Variants in STRN3 observed in about 807,000 individuals in gnomAD.
STRN3 encodes the protein striatin-3.
In STRN3, 29 loss-of-function variants were observed where a neutral mutation model predicts 95.6. The ratio of observed to expected loss-of-function variants is 0.30; its 90% CI spans 0.23 to 0.41. The LOEUF (loss-of-function observed/expected upper bound fraction) is 0.41, where lower values mean the gene tolerates loss of function less well. Ranked by LOEUF, STRN3 falls within the 10% of genes least tolerant of loss-of-function variation. The pLI, the probability that STRN3 is intolerant of heterozygous loss-of-function variation, is 1.00. For synonymous variants in STRN3, 331 were observed against 357.6 expected, an observed-to-expected ratio of 0.93 and a Z score of 0.84; for missense variants, 890 against 972.1, an observed-to-expected ratio of 0.92 and a Z score of 1.12.
chr14:30,962,242 A>G (rs1880245036), intron 1 of STRN3, among the ~76,000 whole-genome samples: 1 of 152,232 alleles, frequency 6.6e-6, no homozygotes, highest in African/African-American at 2.4e-5. Context: ...TAAAAAGAAA[A>G]TATTTTTATA....
At chr14:30,985,976 A>G (rs1881670577) in intron 1 of STRN3, among the ~76,000 whole-genome samples, 1 of 152,162 alleles carries the variant, frequency 6.6e-6, no homozygotes, top group Non-Finnish European at 1.5e-5. Flanking sequence ...ACTTGTGTGC[A>G]TGCGCTTTCT....
At chr14:30,912,543 C>T (rs146667285) in intron 10 of STRN3, among the ~76,000 whole-genome samples, 251 of 152,212 alleles carry the variant, frequency 1.6e-3, no homozygotes, top group African/African-American at 5.3e-3. Flanking sequence ...AAATATCCAA[C>T]GGTACAGTAT....
At chr14:30,945,865 C>T (rs1273008031) in intron 5 of STRN3, among the ~76,000 whole-genome samples, 1 of 152,032 alleles carries the variant, frequency 6.6e-6, no homozygotes, top group Non-Finnish European at 1.5e-5. Context: ...GGAGAGCGGC[C>T]ACCTAATGGG....
chr14:30,935,426 T>G, intron 6 of STRN3, 122 bp from the exon 7 acceptor site: 1 of 1,077,900 alleles, frequency 9.3e-7, no homozygotes, highest in South Asian at 1.7e-5. Flanking sequence ...AAATTTTAGA[T>G]CTCCTATGTA....
chr14:30,973,384 C>G (rs1566467844), intron 1 of STRN3, among the ~76,000 whole-genome samples: 1 of 150,710 alleles, frequency 6.6e-6, no homozygotes. Context: ...GACAAAGAGA[C>G]AGAGAGAGAG....
intron 1 of STRN3, among the ~76,000 whole-genome samples, chr14:31,000,723 T>G (rs1051477306): frequency 6.6e-6 from 1 of 152,120 alleles, no homozygotes; most frequent in African/African-American, 2.4e-5. Flanking sequence ...ATATAGCACT[T>G]AACACCACCC....
intron 1 of STRN3, among the ~76,000 whole-genome samples, chr14:30,965,782 A>C (rs920110467): frequency 2.6e-5 from 4 of 151,888 alleles, no homozygotes; most frequent in Non-Finnish European, 5.9e-5. Flanking sequence ...AAAAAAAAAA[A>C]AAAAAAACAA....
At chr14:31,011,136 A>G (rs1272955611) in intron 1 of STRN3, among the ~76,000 whole-genome samples, 2 of 152,120 alleles carry the variant, frequency 1.3e-5, no homozygotes, top group Non-Finnish European at 2.9e-5. Flanking sequence ...AAAACCCAGA[A>G]AGTTTGTTTT....
intron 5 of STRN3, among the ~76,000 whole-genome samples, chr14:30,940,128 C>T (rs1879024138): frequency 6.6e-6 from 1 of 152,070 alleles, no homozygotes; most frequent in African/African-American, 2.4e-5. Flanking sequence ...TCCTCAAACA[C>T]ATAAAGCAAT....
chr14:30,953,500 A>T (rs758697075), intron 3 of STRN3, among the ~76,000 whole-genome samples: 20 of 152,218 alleles, frequency 1.3e-4, no homozygotes, highest in Non-Finnish European at 2.6e-4. Context: ...CATTTATTCT[A>T]ATTCTGAAGA....
At chr14:30,923,545 G>C (rs1182876877) in intron 8 of STRN3, among the ~76,000 whole-genome samples, 1 of 151,902 alleles carries the variant, frequency 6.6e-6, no homozygotes, top group Non-Finnish European at 1.5e-5. Flanking sequence ...AGAATAATTA[G>C]GAAAATTAAG....
intron 1 of STRN3, among the ~76,000 whole-genome samples, chr14:31,008,424 A>G (rs538713008): frequency 3.3e-5 from 5 of 151,820 alleles, no homozygotes; most frequent in Admixed American, 2.6e-4. Context: ...GGGAGGATCG[A>G]GTGAGCCCAG....
In STRN3 at chr14:30,942,695, C is replaced by T. The variant is rs112052607; in HGVS notation, c.716+4395G>A. ...AAAGTAGATGCTTTGTGATATGATG[C>T]ACTATACAACCACAACCATACCCTA... On this transcript the variant is annotated intron_variant, in intron 5 of 17. Coordinates refer to ENST00000357479, the MANE Select transcript of STRN3 (RefSeq NM_001083893.2). Among the ~76,000 whole-genome samples the T allele has an allele frequency of 2.4e-3, 358 of 152,220 alleles. 2 individuals are homozygous for T. Among genetic ancestry groups the T allele is most frequent in the Middle Eastern group, 0.01 (3 of 294 alleles).
chr14:30,993,320 G>C (rs1175593299), intron 1 of STRN3, among the ~76,000 whole-genome samples: 1 of 151,176 alleles, frequency 6.6e-6, no homozygotes, highest in Non-Finnish European at 1.5e-5. Flanking sequence ...GTAAGTACTG[G>C]ATTTACCAAG....
chr14:30,967,100 C>T (rs538409418), intron 1 of STRN3, among the ~76,000 whole-genome samples: 17 of 152,126 alleles, frequency 1.1e-4, no homozygotes, highest in African/African-American at 3.9e-4. Context: ...TTGAGCCTTC[C>T]GCTAATTTCA....
chr14:30,938,123 T>A (rs1226583103), intron 5 of STRN3, among the ~76,000 whole-genome samples: 1 of 152,090 alleles, frequency 6.6e-6, no homozygotes, highest in Non-Finnish European at 1.5e-5. Flanking sequence ...TGTGGTATTT[T>A]CAATCCATAG....
chr14:30,945,357 C>G (rs890714673), intron 5 of STRN3, among the ~76,000 whole-genome samples: 1 of 150,566 alleles, frequency 6.6e-6, no homozygotes, highest in Non-Finnish European at 1.5e-5. Flanking sequence ...ATGGCTGATG[C>G]CTGTAATCCC....
intron 5 of STRN3, among the ~76,000 whole-genome samples, chr14:30,943,523 C>T (rs762613334): frequency 6.6e-6 from 1 of 152,124 alleles, no homozygotes; most frequent in Admixed American, 6.5e-5. Flanking sequence ...TTGCTTGAGC[C>T]TGGGAAGTTA....
chr14:31,000,737 A>G (rs1168492676), intron 1 of STRN3, among the ~76,000 whole-genome samples: 2 of 152,122 alleles, frequency 1.3e-5, no homozygotes, highest in Admixed American at 1.3e-4. Flanking sequence ...ACCACCCAAC[A>G]AACTTTACTT....
Sources: gnomAD v4.1 joint callset for allele counts (sites outside exome capture counted in the v4.1 genomes callset) on GRCh38, gnomAD v4.1.1 for gene constraint, MANE v1.5 for transcripts, NCBI Gene and HGNC (gene_info 2026-07-23, HGNC 2026-07-21) for gene names.